The following NALCN variants were observed in gnomAD, a reference collection of about 807,000 sequenced individuals.
NALCN encodes the protein sodium leak channel NALCN.
Under a neutral mutation model 225.3 loss-of-function variants are expected in NALCN, and 111 were observed. That is an observed-to-expected ratio of 0.49 (90% confidence interval 0.42 to 0.58). The LOEUF is 0.58. Ranked by LOEUF, NALCN falls within the 20% of genes least tolerant of loss-of-function variation. The pLI is 0.00. For synonymous variants in NALCN, 764 were observed against 769.0 expected, an observed-to-expected ratio of 0.99 and a Z score of 0.11; for missense variants, 1,378 against 2,202.4, an observed-to-expected ratio of 0.63 and a Z score of 7.49.
intron 15 of NALCN, among the ~76,000 whole-genome samples, chr13:101,150,214 T>C (rs946442279): frequency 2.0e-4 from 31 of 151,280 alleles, no homozygotes; most frequent in African/African-American, 7.0e-4. Flanking sequence ...TGACGTGTGC[T>C]GCCGGGTGTC....
At chr13:101,214,636 A>C (rs1425163582) in intron 13 of NALCN, among the ~76,000 whole-genome samples, 4 of 152,072 alleles carry the variant, frequency 2.6e-5, no homozygotes, top group Non-Finnish European at 5.9e-5. Context: ...AACTCCAGGG[A>C]CCAAAAGCTA....
At chr13:101,412,894 C>T (rs961343144) in intron 1 of NALCN, among the ~76,000 whole-genome samples, 1 of 152,142 alleles carries the variant, frequency 6.6e-6, no homozygotes, top group Non-Finnish European at 1.5e-5. Flanking sequence ...TCTAAAGGAA[C>T]TTGCATTGAT....
Position 101,345,254 on chromosome 13 carries a change from A to C in NALCN, c.799+12T>G. On this transcript the variant is annotated intron_variant, in intron 7 of 43. Coordinates refer to ENST00000251127, the MANE Select transcript of NALCN (RefSeq NM_052867.4). ...ATAGAAACTTAAAACGTATTTTACC[A>C]GTAAGACAGACCTATCTCATTAAAG... is the stretch of plus-strand genomic sequence containing the variant. The C allele has an allele frequency of 6.2e-7, 1 of 1,609,822 alleles. No individual in the cohort carries two copies. The highest frequency in any genetic ancestry group is 8.5e-7 in the Non-Finnish European group (1 of 1,177,576).
rs1314917738 is a variant in NALCN at position 101,062,136 on chromosome 13, C to A, written c.4605-18G>T. 3 of 1,612,916 alleles carry A rather than the reference C, an allele frequency of 1.9e-6. No individual in the cohort carries two copies. The highest frequency in any genetic ancestry group is 2.5e-6 in the Non-Finnish European group (3 of 1,179,550). ...AAAGCATGCTGGTGGGAGAAACACA[C>A]CTGCAATCGCAGCTCTGATTCACCT... On this transcript the variant is annotated intron_variant, in intron 40 of 43. Transcript: ENST00000251127.
intron 10 of NALCN, among the ~76,000 whole-genome samples, chr13:101,266,526 T>C (rs1480839108): frequency 6.6e-6 from 1 of 152,190 alleles, no homozygotes; most frequent in Non-Finnish European, 1.5e-5. Flanking sequence ...ATTAGGATAA[T>C]GAATAGTACA....
intron 22 of NALCN, 99 bp downstream of exon 22, chr13:101,107,388 A>G: frequency 6.4e-7 from 1 of 1,565,732 alleles, no homozygotes; most frequent in Non-Finnish European, 8.7e-7. Flanking sequence ...TTATTTTGTG[A>G]CCCCATTAGG....
intron 7 of NALCN, among the ~76,000 whole-genome samples, chr13:101,315,023 A>G (rs954252750): frequency 5.0e-5 from 1 of 20,038 alleles, no homozygotes; most frequent in Non-Finnish European, 1.3e-4. Context: ...AGGGTTAACG[A>G]TGGAGAGAGG....
rs143961709 is a variant in NALCN, at chr13:101,077,276, G to A, written c.3886-1335C>T. ...GAAAAAGGACTAACACAGTAAATTCGTACTTAGAGTGGGGGGCTACTATAA... is the reference window on the plus strand; with the variant it reads ...GAAAAAGGACTAACACAGTAAATTCATACTTAGAGTGGGGGGCTACTATAA... On this transcript the variant is annotated intron_variant, in intron 34 of 43. Coordinates refer to ENST00000251127, the MANE Select transcript of NALCN (RefSeq NM_052867.4). Among the ~76,000 whole-genome samples the A allele has an allele frequency of 5.6e-4, 85 of 152,226 alleles. No individual in the cohort carries two copies. In the Middle Eastern group the frequency reaches 0.02, roughly 37 times the overall value.
chr13:101,411,455 G>T (rs111511612), intron 1 of NALCN, among the ~76,000 whole-genome samples: 3,362 of 150,826 alleles, frequency 0.022, 109 homozygotes, highest in East Asian at 0.11. Flanking sequence ...TGATTCGCCT[G>T]CCTCAGCCTC....
At chr13:101,134,124 C>T (rs755680525) in intron 17 of NALCN, among the ~76,000 whole-genome samples, 10 of 151,962 alleles carry the variant, frequency 6.6e-5, no homozygotes, top group Admixed American at 4.6e-4. Flanking sequence ...GAGCTGAGAT[C>T]GCGCCACTGC....
Position 101,171,943 on chromosome 13 carries a change from G to A in NALCN, c.1839+4357C>T, listed in dbSNP as rs74117663. On this transcript the variant is annotated intron_variant, in intron 15 of 43. Coordinates refer to ENST00000251127, the MANE Select transcript of NALCN (RefSeq NM_052867.4). ...TCAGAACTATAGTATTAAGGAAACA[G>A]TGCTGCCACTTAGAATTTTCAGGTT... Among the ~76,000 whole-genome samples the A allele has an allele frequency of 3.8e-3, 577 of 152,308 alleles. 7 individuals are homozygous for A. Among genetic ancestry groups the A allele is most frequent in the African/African-American group, 0.013 (555 of 41,576 alleles).
chr13:101,179,477 G>A (rs1341651692), intron 14 of NALCN, among the ~76,000 whole-genome samples: 2 of 152,018 alleles, frequency 1.3e-5, no homozygotes, highest in African/African-American at 2.4e-5. Flanking sequence ...TTTCTGTTGG[G>A]GGCTGGAAAC....
chr13:101,377,942 C>A (rs1211598899), intron 4 of NALCN, among the ~76,000 whole-genome samples: 1 of 151,944 alleles, frequency 6.6e-6, no homozygotes, highest in East Asian at 1.9e-4. Context: ...CAAATCTGTC[C>A]TGTAAGTCTT....
intron 13 of NALCN, among the ~76,000 whole-genome samples, chr13:101,206,718 G>T (rs2040325551): frequency 7.1e-6 from 1 of 139,970 alleles, no homozygotes; most frequent in Non-Finnish European, 1.6e-5. Flanking sequence ...TCAAACAACA[G>T]GTTTTTTAAA....
Position 101,210,153 on chromosome 13 carries a change from T to C in NALCN, c.1627-18099A>G, listed in dbSNP as rs145839793. ...TAGGATGCAGCCCATTAGCTTCCAT[T>C]TGCTTAGAGGGGGTCCCTCTCTCCT... is the stretch of plus-strand genomic sequence containing the variant. On this transcript the variant is annotated intron_variant, in intron 13 of 43. Transcript: ENST00000251127. Among the ~76,000 whole-genome samples the C allele has an allele frequency of 3.1e-3, 471 of 152,234 alleles. 2 individuals are homozygous for C. The highest frequency in any genetic ancestry group is 0.01 in the African/African-American group (428 of 41,546).
chr13:101,068,372 AG>A (rs1187370445), intron 38 of NALCN, among the ~76,000 whole-genome samples: 1 of 152,202 alleles, frequency 6.6e-6, no homozygotes, highest in Non-Finnish European at 1.5e-5. Flanking sequence ...TGGGTAAATA[AG>A]GTGTACCTTT....
chr13:101,402,195 G>T (rs567252092), intron 1 of NALCN, among the ~76,000 whole-genome samples: 35 of 152,200 alleles, frequency 2.3e-4, no homozygotes, highest in African/African-American at 8.2e-4. Context: ...TCCTTCATAA[G>T]ACAGTACACA....
chr13:101,096,225 T>C (rs1182281839), intron 27 of NALCN, among the ~76,000 whole-genome samples: 1 of 152,178 alleles, frequency 6.6e-6, no homozygotes, highest in Non-Finnish European at 1.5e-5. Flanking sequence ...CCTAGGTATC[T>C]ACCCAAGAGA....
intron 22 of NALCN, among the ~76,000 whole-genome samples, chr13:101,105,181 C>A (rs1289660283): frequency 6.6e-6 from 1 of 152,158 alleles, no homozygotes; most frequent in Non-Finnish European, 1.5e-5. Context: ...TTTTATATTT[C>A]TCAAAATACT....
Sources: gnomAD v4.1 joint callset for allele counts (sites outside exome capture counted in the v4.1 genomes callset) on GRCh38, gnomAD v4.1.1 for gene constraint, MANE v1.5 for transcripts, NCBI Gene and HGNC (gene_info 2026-07-23, HGNC 2026-07-21) for gene names.